The following CRTC1 variants were observed in gnomAD, a reference collection of about 807,000 sequenced individuals.
CRTC1 encodes CREB-regulated transcription coactivator 1.
CRTC1 carries 18 observed loss-of-function variants against 66.1 expected under a neutral mutation model. The observed-to-expected ratio is 0.27, with a 90% CI of 0.19 to 0.40. The LOEUF is 0.40. Among genes scored for constraint, CRTC1 ranks in the 10% least tolerant of loss-of-function variants. CRTC1 has a pLI of 1.00. For missense variants in CRTC1, 669 were observed against 887.9 expected (o/e 0.75, Z 3.13); for synonymous variants, 416 against 398.8 (o/e 1.04, Z -0.51).
At chr19:18,715,627 C>T (rs562128174) in intron 1 of CRTC1, among the ~76,000 whole-genome samples, 1 of 152,356 alleles carries the variant, frequency 6.6e-6, no homozygotes, top group East Asian at 1.9e-4. Flanking sequence ...TCCCCTCAGC[C>T]ACCTGTGGCC....
chr19:18,769,696 T>G (rs1288465906), intron 10 of CRTC1, among the ~76,000 whole-genome samples: 1 of 152,078 alleles, frequency 6.6e-6, no homozygotes, highest in African/African-American at 2.4e-5. Flanking sequence ...GGGCCTCGCC[T>G]TGGAGCTGGG....
At chr19:18,755,640 T>A (rs1478762714) in intron 6 of CRTC1, among the ~76,000 whole-genome samples, 2 of 148,596 alleles carry the variant, frequency 1.3e-5, no homozygotes, top group African/African-American at 5.0e-5. Flanking sequence ...TTTCACTCTT[T>A]CGCCCAGGCT....
chr19:18,738,800 CAA>C (rs1482558235), intron 1 of CRTC1, among the ~76,000 whole-genome samples: 1 of 151,292 alleles, frequency 6.6e-6, no homozygotes, highest in Non-Finnish European at 1.5e-5. Context: ...GACTCCGTCT[CAA>C]AACAACAACA....
chr19:18,684,564 T>C (rs909516874), intron 1 of CRTC1, among the ~76,000 whole-genome samples: 9 of 152,064 alleles, frequency 5.9e-5, no homozygotes, highest in Non-Finnish European at 4.4e-5. Context: ...CAGATTGTGC[T>C]CAGTCCTGGA....
At position 18,741,853 on chromosome 19, in the gene CRTC1, TC is replaced by T; in HGVS notation, c.127-1055del. Among the ~76,000 whole-genome samples the T allele has an allele frequency of 6.6e-6, 1 of 152,256 alleles. No homozygotes were observed. Among genetic ancestry groups the T allele is most frequent in the South Asian group, 2.1e-4 (1 of 4,822 alleles). ...AGGTGGCCAGTTCCCGGGCTTTACT[TC>T]CGCCTCCGGTGTCCAGGGCCCCCTA... On this transcript the variant is annotated intron_variant, in intron 1 of 13. Coordinates refer to ENST00000321949, the MANE Select transcript of CRTC1 (RefSeq NM_015321.3). This position sits in a 1 kb window ranked among gnomAD's most constrained non-coding sequence, Gnocchi z 4.2.
At chr19:18,767,985 C>T (rs559095914) in intron 9 of CRTC1, among the ~76,000 whole-genome samples, 2 of 152,180 alleles carry the variant, frequency 1.3e-5, no homozygotes, top group African/African-American at 2.4e-5. Flanking sequence ...TCCAGCTCTG[C>T]GAAGGCCTGA....
intron 6 of CRTC1, among the ~76,000 whole-genome samples, chr19:18,756,555 TGAGCCCAG>T (rs1273897266): frequency 6.6e-6 from 1 of 150,932 alleles, no homozygotes; most frequent in East Asian, 2.0e-4. Flanking sequence ...GAGGATCACT[TGAGCCCAG>T]GAGCCCAGGA....
intron 1 of CRTC1, among the ~76,000 whole-genome samples, chr19:18,714,697 G>C (rs2053467276): frequency 6.6e-6 from 1 of 152,200 alleles, no homozygotes; most frequent in South Asian, 2.1e-4. Flanking sequence ...TCCCCAGAAA[G>C]GTCTCTCCAG....
rs752843264 is a variant in CRTC1 at position 18,775,763 on chromosome 19, G to T, written c.1635G>T (p.Pro545=). 6.2e-7 allele frequency: 1 copy of T among 1,611,562 alleles called. No homozygotes were observed. The highest frequency in any genetic ancestry group is 1.7e-5 in the Admixed American group (1 of 59,800). The part of the protein sequence containing the change: ...MGLTGSHGSL[P]DSQQLGYASH... ...TCACGGGCAGCCACGGGAGCCTGCC[G>T]GACTCGCAGCAACTGGGATACGCCA... Residue 545 remains proline, a synonymous_variant, in exon 13 of 14, where the codon CCG becomes CCT. Transcript: ENST00000321949.
intron 10 of CRTC1, among the ~76,000 whole-genome samples, chr19:18,770,645 G>A (rs1484257579): frequency 6.6e-6 from 1 of 152,134 alleles, no homozygotes; most frequent in Non-Finnish European, 1.5e-5. Context: ...GGGTGTGCAT[G>A]CATGTGAATG....
chr19:18,724,614 G>A (rs1370791559), intron 1 of CRTC1, among the ~76,000 whole-genome samples: 1 of 150,908 alleles, frequency 6.6e-6, no homozygotes, highest in African/African-American at 2.4e-5. Flanking sequence ...AGCTTTCAGT[G>A]GCTCCAGCCG....
rs111481472 is a variant in CRTC1, at chr19:18,779,530, TAAAA to T, written c.*2154_*2157del. The T allele has an allele frequency of 4.7e-6, 1 of 212,450 alleles. No individual in the cohort carries two copies. The highest frequency in any genetic ancestry group is 2.3e-5 in the African/African-American group (1 of 43,560). The allele number at this position is 212,450 out of a possible 1,614,324, so 13.2% of individuals were successfully genotyped here. On this transcript the variant is annotated 3_prime_UTR_variant, in exon 14 of 14. Coordinates refer to ENST00000321949, the MANE Select transcript of CRTC1 (RefSeq NM_015321.3). Reference sequence around the variant, plus strand: ...TACCATTAGACTTGTATGTAGGACTTAAAAAAAAATGGCCTTAATAAAATTACAA... The same window carrying T: ...TACCATTAGACTTGTATGTAGGACTTAAAAATGGCCTTAATAAAATTACAA...
chr19:18,693,631 A>G (rs2052907464), intron 1 of CRTC1, among the ~76,000 whole-genome samples: 1 of 151,248 alleles, frequency 6.6e-6, no homozygotes, highest in African/African-American at 2.4e-5. Context: ...ACAGGCGTCC[A>G]CCACCATGCC....
At chr19:18,746,836 G>A (rs2054249823) in intron 3 of CRTC1, among the ~76,000 whole-genome samples, 1 of 152,338 alleles carries the variant, frequency 6.6e-6, no homozygotes, top group African/African-American at 2.4e-5. Flanking sequence ...AGTGCTAGGT[G>A]GACAGGGCTG....
intron 5 of CRTC1, among the ~76,000 whole-genome samples, chr19:18,751,434 G>T (rs976718726): frequency 6.6e-6 from 1 of 152,182 alleles, no homozygotes; most frequent in African/African-American, 2.4e-5. Flanking sequence ...TGAGGCAGGA[G>T]GGGGAATTGT....
rs771118677 is a variant in CRTC1 at position 18,777,404 on chromosome 19, C to T, written c.*22C>T. On this transcript the variant is annotated 3_prime_UTR_variant, in exon 14 of 14. Transcript: ENST00000321949. This position sits in a 1 kb window ranked among gnomAD's most constrained non-coding sequence, Gnocchi z 5.5. ...GTGAGCGGGCACGCCGGCACCCTGC[C>T]GCTCAGCCGTCCCGACGGCGCCTCC... 54 of 1,596,130 alleles carry T rather than the reference C, an allele frequency of 3.4e-5. No homozygotes were observed. In the South Asian group the frequency reaches 5.4e-4, roughly 16 times the overall value.
chr19:18,722,388 G>A (rs979998345), intron 1 of CRTC1, among the ~76,000 whole-genome samples: 1 of 152,156 alleles, frequency 6.6e-6, no homozygotes, highest in Non-Finnish European at 1.5e-5. Flanking sequence ...TGTGACTCTG[G>A]CCTTATGTGG....
At chr19:18,712,150 C>T (rs574252110) in intron 1 of CRTC1, among the ~76,000 whole-genome samples, 1 of 152,168 alleles carries the variant, frequency 6.6e-6, no homozygotes, top group Admixed American at 6.5e-5. Context: ...CTATATTGCC[C>T]AGGCTGGTCT....
intron 1 of CRTC1, among the ~76,000 whole-genome samples, chr19:18,732,527 T>C (rs1292025109): frequency 6.6e-6 from 1 of 152,238 alleles, no homozygotes; most frequent in East Asian, 1.9e-4. Context: ...TATTTTATCA[T>C]GGCAGCCTGG....
Sources: allele counts gnomAD v4.1 joint callset (sites outside exome capture counted in the v4.1 genomes callset), GRCh38; gene constraint gnomAD v4.1.1; non-coding constraint Gnocchi (gnomAD v3.1); transcripts MANE v1.5; gene names NCBI Gene and HGNC (gene_info 2026-07-23, HGNC 2026-07-21).